The following TNS3 variants were observed in gnomAD, a reference collection of about 807,000 sequenced individuals.
TNS3 encodes tensin-3.
In TNS3, 45 loss-of-function variants were observed where a neutral mutation model predicts 140.9. The observed-to-expected ratio is 0.32, with a 90% confidence interval of 0.25 to 0.41. TNS3 has a LOEUF of 0.41. Ranked by LOEUF, TNS3 falls within the 10% of genes least tolerant of loss-of-function variation. TNS3 has a pLI of 1.00. For missense variants in TNS3, 1,716 were observed against 1,906.7 expected (o/e 0.90, Z 1.86); for synonymous variants, 815 against 788.4 (o/e 1.03, Z -0.56).
In TNS3 at chr7:47,280,184, G is replaced by T; in HGVS notation, c.4173C>A (p.Ile1391=). ...CTTACTTTGAGGAAGGGCCATCTTT[G>T]ATCCACCTTGCAAATTAAAGAGAAA... ...CALDPQDRKW[I]KDGPSSKVFG... is the part of the protein sequence containing the mutation. The change falls in exon 30 of 31, where the codon ATC becomes ATA. Residue 1391 remains isoleucine, a synonymous_variant. Coordinates refer to ENST00000311160, the MANE Select transcript of TNS3 (RefSeq NM_022748.12). 1 of 1,614,118 alleles carries T rather than the reference G, an allele frequency of 6.2e-7. No homozygotes were observed. Among genetic ancestry groups the T allele is most frequent in the South Asian group, 1.1e-5 (1 of 91,066 alleles).
intron 1 of TNS3, among the ~76,000 whole-genome samples, chr7:47,571,551 T>G (rs1437850433): frequency 6.6e-6 from 1 of 151,742 alleles, no homozygotes; most frequent in Non-Finnish European, 1.5e-5. Flanking sequence ...AAAACCAGTG[T>G]GTACAAATGA....
chr7:47,444,539 C>T (rs1795628537), intron 4 of TNS3, among the ~76,000 whole-genome samples: 1 of 152,202 alleles, frequency 6.6e-6, no homozygotes, highest in South Asian at 2.1e-4. Context: ...GTAGGAGTGT[C>T]ACCGTCCCTC....
At chr7:47,386,466 C>T (rs191274630) in intron 16 of TNS3, among the ~76,000 whole-genome samples, 21 of 152,382 alleles carry the variant, frequency 1.4e-4, no homozygotes, top group South Asian at 1.0e-3. Context: ...TGTCCACCCT[C>T]GACAGGCCTT....
intron 4 of TNS3, among the ~76,000 whole-genome samples, chr7:47,444,186 AC>A (rs1299766819): frequency 1.3e-5 from 2 of 152,190 alleles, no homozygotes; most frequent in Non-Finnish European, 2.9e-5. Context: ...TCAGGGGAGA[AC>A]AGCAAGGAGT....
chr7:47,442,141 C>A, intron 4 of TNS3, 86 bp from the exon 5 acceptor site: 1 of 851,784 alleles, frequency 1.2e-6, no homozygotes, highest in Non-Finnish European at 1.6e-6. Context: ...GGAACAATGA[C>A]AGCCGTTCCA....
At chr7:47,392,139 T>C (rs996404481) in intron 16 of TNS3, among the ~76,000 whole-genome samples, 9 of 152,158 alleles carry the variant, frequency 5.9e-5, no homozygotes, top group African/African-American at 2.2e-4. Flanking sequence ...TTCTTCCCTC[T>C]CCTCAGGGAC....
intron 16 of TNS3, among the ~76,000 whole-genome samples, chr7:47,389,013 AAG>A (rs1159145746): frequency 0.23 from 633 of 2,772 alleles, 222 homozygotes; most frequent in Non-Finnish European, 0.42. Flanking sequence ...GAAGAAGAAG[AAG>A]AAGAAGAAGA....
chr7:47,552,640 C>A (rs4724588), intron 1 of TNS3, among the ~76,000 whole-genome samples: 71,891 of 152,034 alleles, frequency 0.47, 18,725 homozygotes, highest in East Asian at 0.72. Context: ...TATAAGACTG[C>A]GAACTCAATG....
At chr7:47,513,959 T>C (rs955618437) in intron 2 of TNS3, among the ~76,000 whole-genome samples, 4 of 152,256 alleles carry the variant, frequency 2.6e-5, no homozygotes, top group African/African-American at 7.2e-5. Context: ...ACGCCCAACA[T>C]TTTTATATGT....
At position 47,368,820 on chromosome 7, in the gene TNS3, G is replaced by A. The variant is rs753675008; in HGVS notation, c.1826C>T (p.Ala609Val). 8 of 1,612,202 alleles carry A rather than the reference G, an allele frequency of 5.0e-6. No homozygotes were observed. The East Asian group carries it at 1.3e-4, about 27-fold the overall frequency. ...HQYSFAPDGE[A>V]RLVSRCPADN... ...TGCAGGGCAGCGGCTCACCAGCCGG[G>A]CCTCCCCATCTGGGGCGAAGCTATA... The change falls in exon 17 of 31, where the codon GCC becomes GTC. Residue 609 changes from alanine (A) to valine (V), a missense_variant. Ala to Val is a moderately conservative substitution (Grantham distance 64). Coordinates refer to ENST00000311160, the MANE Select transcript of TNS3 (RefSeq NM_022748.12).
chr7:47,439,169 G>A (rs1263500399), intron 6 of TNS3, among the ~76,000 whole-genome samples: 1 of 152,206 alleles, frequency 6.6e-6, no homozygotes, highest in Non-Finnish European at 1.5e-5. Context: ...ATGCAGCATG[G>A]GAGCGCAAGG....
chr7:47,315,833 C>T (rs767877527), intron 20 of TNS3, among the ~76,000 whole-genome samples: 1 of 152,202 alleles, frequency 6.6e-6, no homozygotes, highest in Non-Finnish European at 1.5e-5. Flanking sequence ...CCCAATTTCC[C>T]GTGTTCCTGA....
At chr7:47,357,205 G>C (rs1790044458) in intron 17 of TNS3, among the ~76,000 whole-genome samples, 1 of 152,152 alleles carries the variant, frequency 6.6e-6, no homozygotes. Context: ...GGCACTAGAA[G>C]GTAAAGTCCC....
At chr7:47,427,259 G>GCA (rs1023722110) in intron 9 of TNS3, among the ~76,000 whole-genome samples, 2 of 151,712 alleles carry the variant, frequency 1.3e-5, no homozygotes, top group African/African-American at 4.8e-5. Context: ...GATTTTCCTG[G>GCA]CACACACACA....
At chr7:47,479,737 T>C (rs1166108024) in intron 4 of TNS3, among the ~76,000 whole-genome samples, 2 of 152,250 alleles carry the variant, frequency 1.3e-5, no homozygotes, top group African/African-American at 4.8e-5. Flanking sequence ...CCACACCACA[T>C]GCCAGCATTA....
intron 4 of TNS3, among the ~76,000 whole-genome samples, chr7:47,474,903 CA>C (rs1036455140): frequency 6.6e-4 from 95 of 143,976 alleles, no homozygotes; most frequent in South Asian, 1.8e-3. Context: ...GCAACACACA[CA>C]AAAAAAAACA....
chr7:47,361,050 G>T (rs1006057810), intron 17 of TNS3, among the ~76,000 whole-genome samples: 5 of 151,540 alleles, frequency 3.3e-5, no homozygotes, highest in African/African-American at 9.7e-5. Flanking sequence ...CCTCCCTCCT[G>T]AGATTCTTCC....
intron 27 of TNS3, 55 bp from the exon 28 acceptor site, chr7:47,283,920 C>T: frequency 6.9e-7 from 1 of 1,457,402 alleles, no homozygotes; most frequent in Non-Finnish European, 9.1e-7. Flanking sequence ...ACAGGTGTGT[C>T]CTGTTAACAC....
chr7:47,425,846 T>C (rs1794618333), intron 9 of TNS3, among the ~76,000 whole-genome samples: 1 of 152,192 alleles, frequency 6.6e-6, no homozygotes, highest in Admixed American at 6.5e-5. Context: ...TTTTTTCTTC[T>C]GTTTGCAGTT....
Sources: allele counts gnomAD v4.1 joint callset (sites outside exome capture counted in the v4.1 genomes callset), GRCh38; gene constraint gnomAD v4.1.1; transcripts MANE v1.5; gene names NCBI Gene and HGNC (gene_info 2026-07-23, HGNC 2026-07-21).